Variants in TG observed in about 807,000 individuals in gnomAD.
The protein encoded by TG is thyroid hormones.
Under a neutral mutation model 324.7 loss-of-function variants are expected in TG, and 270 were observed. The observed-to-expected ratio is 0.83, with a 90% CI of 0.75 to 0.92. The LOEUF (loss-of-function observed/expected upper bound fraction) is 0.92. TG is among the 40% of genes least tolerant of loss of function. TG has a pLI of 0.00. For missense variants in TG, 3,591 were observed against 3,456.4 expected (o/e 1.04, Z -0.98); for synonymous variants, 1,401 against 1,327.0 (o/e 1.06, Z -1.21).
Position 133,113,611 on chromosome 8 carries a change from A to G in TG, c.7754+8A>G. ...TCTGGAGAATGCCACCCGGTAAGCTAAGCTGCAGGAGGGTGCAGATTCCTA... is the reference window on the plus strand; with the variant it reads ...TCTGGAGAATGCCACCCGGTAAGCTGAGCTGCAGGAGGGTGCAGATTCCTA... On this transcript the variant is annotated splice_region_variant and intron_variant, in intron 44 of 47. Coordinates refer to ENST00000220616, the MANE Select transcript of TG (RefSeq NM_003235.5). 6.2e-7 allele frequency: 1 copy of G among 1,613,448 alleles called. No individual in the cohort carries two copies. The highest frequency in any genetic ancestry group is 8.5e-7 in the Non-Finnish European group (1 of 1,179,664).
intron 43 of TG, among the ~76,000 whole-genome samples, chr8:133,100,277 T>C (rs960212888): frequency 2.6e-5 from 4 of 152,190 alleles, no homozygotes; most frequent in Non-Finnish European, 4.4e-5. Flanking sequence ...ACCACTTGGA[T>C]TCAGAGGGAA....
At chr8:133,114,467 T>C (rs2958683) in intron 44 of TG, among the ~76,000 whole-genome samples, 34,143 of 152,138 alleles carry the variant, frequency 0.22, 4,291 homozygotes, top group South Asian at 0.32. Flanking sequence ...TGAGAACTTT[T>C]ACAGAAATGC....
At chr8:133,099,977 C>T (rs1849003520) in intron 43 of TG, among the ~76,000 whole-genome samples, 1 of 152,172 alleles carries the variant, frequency 6.6e-6, no homozygotes, top group Admixed American at 6.5e-5. Context: ...GACCATTTTA[C>T]TCCTCTGCTC....
At chr8:132,999,729 C>A (rs952881191) in intron 35 of TG, among the ~76,000 whole-genome samples, 1 of 152,198 alleles carries the variant, frequency 6.6e-6, no homozygotes, top group African/African-American at 2.4e-5. Flanking sequence ...GTGAGGCCTA[C>A]AATATTTACT....
chr8:133,036,806 T>C (rs1300820838), intron 41 of TG: 4 of 152,656 alleles, frequency 2.6e-5, no homozygotes, highest in African/African-American at 9.7e-5. Context: ...TGCTTCCCAC[T>C]GAGAAATCCC....
intron 20 of TG, among the ~76,000 whole-genome samples, chr8:132,913,989 T>C (rs541050615): frequency 6.6e-6 from 1 of 152,322 alleles, no homozygotes; most frequent in South Asian, 2.1e-4. Context: ...GGCTGGTGGC[T>C]TCCTTTCTTG....
chr8:132,878,622 A>AAC (rs1563897301), intron 5 of TG, among the ~76,000 whole-genome samples: 1 of 139,420 alleles, frequency 7.2e-6, no homozygotes, highest in African/African-American at 2.6e-5. Flanking sequence ...AAAAAAAAAC[A>AAC]AAAAAAAAAC....
chr8:133,010,396 C>A (rs1394319177), intron 35 of TG, among the ~76,000 whole-genome samples: 1 of 151,980 alleles, frequency 6.6e-6, no homozygotes, highest in Non-Finnish European at 1.5e-5. Flanking sequence ...GTAAATGCTA[C>A]CAAATATTTA....
chr8:133,067,539 G>A (rs1843204093), intron 41 of TG, among the ~76,000 whole-genome samples: 1 of 152,156 alleles, frequency 6.6e-6, no homozygotes, highest in South Asian at 2.1e-4. Flanking sequence ...ATGTTGGGAG[G>A]CTGAGGCAAG....
intron 41 of TG, among the ~76,000 whole-genome samples, chr8:133,063,002 T>C (rs1278659602): frequency 6.6e-6 from 1 of 152,210 alleles, no homozygotes; most frequent in Non-Finnish European, 1.5e-5. Context: ...CCAGCTGCCT[T>C]GGTTCCTCAG....
intron 43 of TG, among the ~76,000 whole-genome samples, chr8:133,103,431 A>G (rs1484626980): frequency 6.6e-6 from 1 of 152,106 alleles, no homozygotes. Flanking sequence ...ACGTTGTCTA[A>G]TTCTCCCCAG....
intron 41 of TG, chr8:133,040,317 G>A: frequency 1.6e-6 from 1 of 629,682 alleles, no homozygotes; most frequent in Admixed American, 2.8e-5. Context: ...TTTGAGAAAT[G>A]TAAGCGTGCC....
At chr8:133,071,193 T>G (rs543170887) in intron 41 of TG, among the ~76,000 whole-genome samples, 1 of 152,182 alleles carries the variant, frequency 6.6e-6, no homozygotes, top group Non-Finnish European at 1.5e-5. Context: ...GTGTCCTAGG[T>G]GTGTTACATG....
Position 132,990,400 on chromosome 8 carries a change from G to A in TG, c.6262+6988G>A, listed in dbSNP as rs991028993. 4.0e-5 allele frequency among the ~76,000 whole-genome samples: 6 copies of A among 151,804 alleles called. No homozygotes were observed. In the East Asian group the frequency reaches 7.8e-4, roughly 20 times the overall value. On this transcript the variant is annotated intron_variant, in intron 35 of 47. Coordinates refer to ENST00000220616, the MANE Select transcript of TG (RefSeq NM_003235.5). ...TACCAGGGCAATCAGCATATCTATC[G>A]CCTCAAATGTTTATCATTTCTTTGT...
At chr8:133,065,693 C>A (rs576801122) in intron 41 of TG, among the ~76,000 whole-genome samples, 2 of 151,788 alleles carry the variant, frequency 1.3e-5, no homozygotes, top group Non-Finnish European at 2.9e-5. Context: ...ACCCAGTGGG[C>A]GGAGGTGGCA....
intron 11 of TG, among the ~76,000 whole-genome samples, chr8:132,896,016 C>T (rs991434684): frequency 6.6e-5 from 10 of 152,326 alleles, no homozygotes; most frequent in Admixed American, 3.9e-4. Flanking sequence ...GGGCCCAGAG[C>T]GAAGTGCCTT....
chr8:133,111,633 G>A (rs576517434), intron 43 of TG, among the ~76,000 whole-genome samples: 1 of 152,214 alleles, frequency 6.6e-6, no homozygotes, highest in Non-Finnish European at 1.5e-5. Flanking sequence ...GTTGTAGATG[G>A]TAAGAGTATG....
intron 41 of TG, chr8:133,050,214 A>G (rs1216210766): frequency 3.6e-6 from 2 of 549,454 alleles, no homozygotes; most frequent in African/African-American, 3.8e-5. Flanking sequence ...AAACCCTCCC[A>G]TGTGCTAGAA....
chr8:133,032,251 T>C (rs1836708694), intron 41 of TG, among the ~76,000 whole-genome samples: 1 of 152,226 alleles, frequency 6.6e-6, no homozygotes, highest in African/African-American at 2.4e-5. Context: ...TCCAGTTTTC[T>C]GCAATCTGTC....
Sources: allele counts gnomAD v4.1 joint callset (sites outside exome capture counted in the v4.1 genomes callset), GRCh38; gene constraint gnomAD v4.1.1; transcripts MANE v1.5; gene names NCBI Gene and HGNC (gene_info 2026-07-23, HGNC 2026-07-21).